Variants in RALYL observed in about 807,000 individuals in gnomAD.
RALYL encodes the protein RALY RNA binding protein like.
In RALYL, 29 loss-of-function variants were observed where a neutral mutation model predicts 35.1. That is an observed-to-expected ratio of 0.83 (90% CI 0.61 to 1.13). The LOEUF is 1.13. Ranked by LOEUF, RALYL falls within the 50% of genes most tolerant of loss-of-function variation. RALYL has a pLI of 0.00. For missense variants in RALYL, 359 were observed against 360.4 expected, an observed-to-expected ratio of 1.00 and a Z score of 0.03; for synonymous variants, 120 against 127.6, an observed-to-expected ratio of 0.94 and a Z score of 0.40.
At chr8:84,555,026 A>C (rs2061001476) in intron 2 of RALYL, among the ~76,000 whole-genome samples, 1 of 152,174 alleles carries the variant, frequency 6.6e-6, no homozygotes, top group Non-Finnish European at 1.5e-5. Context: ...CACGCCTGTA[A>C]TCCCAGCACT....
chr8:84,289,974 T>C (rs777686708), intron 1 of RALYL, among the ~76,000 whole-genome samples: 8 of 152,200 alleles, frequency 5.3e-5, no homozygotes, highest in Non-Finnish European at 1.2e-4. Flanking sequence ...GGAGACTGTC[T>C]GGTTTGAGGA....
chr8:84,526,636 C>A (rs989557205), intron 1 of RALYL, among the ~76,000 whole-genome samples: 9 of 152,192 alleles, frequency 5.9e-5, no homozygotes, highest in Non-Finnish European at 1.2e-4. Flanking sequence ...TTCTAGAGTT[C>A]TTTGTCTGCA....
At chr8:84,294,460 G>C (rs768679607) in intron 1 of RALYL, among the ~76,000 whole-genome samples, 21 of 152,218 alleles carry the variant, frequency 1.4e-4, no homozygotes, top group Non-Finnish European at 2.8e-4. Flanking sequence ...AAACTCAGCT[G>C]TCCCTGAAAC....
At chr8:84,556,045 A>G (rs1252199) in intron 2 of RALYL, among the ~76,000 whole-genome samples, 107,362 of 152,078 alleles carry the variant, frequency 0.71, 38,662 homozygotes, top group East Asian at 0.86. Context: ...CTCTCTCCCC[A>G]GATTAATTGC....
intron 2 of RALYL, among the ~76,000 whole-genome samples, chr8:84,760,259 A>G (rs1469266239): frequency 6.6e-6 from 1 of 152,122 alleles, no homozygotes; most frequent in Non-Finnish European, 1.5e-5. Flanking sequence ...ATATGAATAC[A>G]AATTTGGGTG....
intron 1 of RALYL, among the ~76,000 whole-genome samples, chr8:84,201,174 A>G (rs1816739032): frequency 6.6e-6 from 1 of 152,220 alleles, no homozygotes; most frequent in South Asian, 2.1e-4. Flanking sequence ...GTGAAGTCAA[A>G]TCAGCTTTTC....
At chr8:84,525,823 T>G (rs2058838079) in intron 1 of RALYL, among the ~76,000 whole-genome samples, 1 of 152,134 alleles carries the variant, frequency 6.6e-6, no homozygotes, top group Non-Finnish European at 1.5e-5. Flanking sequence ...ATTCATTTTT[T>G]AACATCTTTA....
intron 2 of RALYL, among the ~76,000 whole-genome samples, chr8:84,743,915 T>C (rs1807992269): frequency 1.3e-5 from 2 of 152,030 alleles, no homozygotes; most frequent in Admixed American, 1.3e-4. Context: ...GAAAGCAGAA[T>C]GCTGGTAGGC....
intron 2 of RALYL, among the ~76,000 whole-genome samples, chr8:84,641,174 C>A (rs1163168823): frequency 6.6e-6 from 1 of 150,792 alleles, no homozygotes; most frequent in Non-Finnish European, 1.5e-5. Flanking sequence ...TGATAACTTT[C>A]TTTATATCTC....
At chr8:84,909,972 C>G (rs1179137153) in intron 8 of RALYL, among the ~76,000 whole-genome samples, 1 of 152,004 alleles carries the variant, frequency 6.6e-6, no homozygotes, top group Non-Finnish European at 1.5e-5. Flanking sequence ...CCACTTTAAC[C>G]TAAAGAATCA....
chr8:84,235,761 C>CTTTT (rs200486763), intron 1 of RALYL, among the ~76,000 whole-genome samples: 14 of 138,206 alleles, frequency 1.0e-4, no homozygotes, highest in African/African-American at 3.3e-4. Context: ...TTTTCTTTTT[C>CTTTT]TTTTTCTTTT....
At chr8:84,888,150 G>C (rs1379570565) in intron 8 of RALYL, among the ~76,000 whole-genome samples, 1 of 152,158 alleles carries the variant, frequency 6.6e-6, no homozygotes, top group Non-Finnish European at 1.5e-5. Context: ...GAAGATACCT[G>C]GTTTACTAAC....
chr8:84,288,381 A>G (rs1435309613), intron 1 of RALYL, among the ~76,000 whole-genome samples: 3 of 152,114 alleles, frequency 2.0e-5, no homozygotes, highest in Non-Finnish European at 2.9e-5. Flanking sequence ...CTGTCATGTC[A>G]TCATTGCCGA....
chr8:84,407,031 T>C lies in RALYL; in HGVS notation c.-23-122268T>C, dbSNP rs1293918136. 2.1e-3 allele frequency among the ~76,000 whole-genome samples: 315 copies of C among 148,038 alleles called. 1 individual carries two copies. The highest frequency in any genetic ancestry group is 7.7e-3 in the African/African-American group (294 of 38,318). On this transcript the variant is annotated intron_variant, in intron 1 of 8. Coordinates refer to ENST00000521268, the MANE Select transcript of RALYL (RefSeq NM_173848.7). ...CTCTCTCTCTCTCTATATATATATATATATACACACACACACTCACACACA... is the reference window on the plus strand; with the variant it reads ...CTCTCTCTCTCTCTATATATATATACATATACACACACACACTCACACACA...
intron 5 of RALYL, among the ~76,000 whole-genome samples, chr8:84,854,475 A>G (rs1229910570): frequency 1.3e-5 from 2 of 152,200 alleles, no homozygotes; most frequent in Non-Finnish European, 2.9e-5. Context: ...CTTCCATTAT[A>G]GCTGATTTGG....
chr8:84,630,449 T>G (rs145489575), intron 2 of RALYL, among the ~76,000 whole-genome samples: 7 of 152,084 alleles, frequency 4.6e-5, no homozygotes, highest in Admixed American at 2.0e-4. Context: ...GGAAGTATGA[T>G]GAGTCAGTTT....
chr8:84,551,596 T>C (rs2135434223), intron 2 of RALYL, among the ~76,000 whole-genome samples: 1 of 152,168 alleles, frequency 6.6e-6, no homozygotes, highest in East Asian at 1.9e-4. Context: ...AGGAATAGCT[T>C]GATTTAAAAA....
chr8:84,531,913 C>T (rs1351731117), intron 2 of RALYL, among the ~76,000 whole-genome samples: 6 of 151,938 alleles, frequency 3.9e-5, no homozygotes, highest in Non-Finnish European at 8.8e-5. Context: ...AATGATGACA[C>T]CAAATTGCTT....
At chr8:84,710,515 T>C (rs975351260) in intron 2 of RALYL, among the ~76,000 whole-genome samples, 17 of 150,272 alleles carry the variant, frequency 1.1e-4, no homozygotes, top group Non-Finnish European at 1.5e-5. Flanking sequence ...TTGCCCAGGC[T>C]GGTCTTGAAC....
Sources: gnomAD v4.1 joint callset for allele counts (sites outside exome capture counted in the v4.1 genomes callset) on GRCh38, gnomAD v4.1.1 for gene constraint, MANE v1.5 for transcripts, NCBI Gene and HGNC (gene_info 2026-07-23, HGNC 2026-07-21) for gene names.